The following PTPRF variants were observed in gnomAD, a reference collection of about 807,000 sequenced individuals.
PTPRF encodes protein tyrosine phosphatase receptor type F.
PTPRF carries 59 observed loss-of-function variants against 201.8 expected under a neutral mutation model. The observed-to-expected ratio is 0.29, with a 90% CI of 0.24 to 0.36. PTPRF has a LOEUF of 0.36. Ranked by LOEUF, PTPRF falls within the 10% of genes least tolerant of loss-of-function variation. PTPRF has a pLI of 1.00. For synonymous variants in PTPRF, 1,088 were observed against 1,089.7 expected (o/e 1.00, Z 0.03); for missense variants, 2,132 against 2,690.5 (o/e 0.79, Z 4.59).
At chr1:43,601,169 T>G (rs1333265490) in intron 13 of PTPRF, among the ~76,000 whole-genome samples, 2 of 152,200 alleles carry the variant, frequency 1.3e-5, no homozygotes, top group South Asian at 2.1e-4. Flanking sequence ...ACCGGCACTG[T>G]GGGGGTGCTT....
Position 43,538,234 on chromosome 1 carries a change from T to C in PTPRF, c.-89T>C. ...GGCCCTGGTGCCCGGCCCTTGGTGC[T>C]GAGTATCCAGCAAGAGTGACCGGGG... On this transcript the variant is annotated 5_prime_UTR_variant, in exon 2 of 34. Transcript: ENST00000359947. The C allele has an allele frequency of 2.5e-6, 1 of 398,680 alleles. No individual in the cohort carries two copies. The allele number at this position is 398,680 out of a possible 1,614,324, so 24.7% of individuals were successfully genotyped here.
At chr1:43,595,772 G>A (rs1461312061) in intron 11 of PTPRF, among the ~76,000 whole-genome samples, 1 of 152,114 alleles carries the variant, frequency 6.6e-6, no homozygotes, top group Admixed American at 6.6e-5. Context: ...AAGAGATGGA[G>A]GGAGCTGCTG....
chr1:43,591,102 G>T lies in PTPRF; in HGVS notation c.1080G>T (p.Glu360Asp), dbSNP rs1286468849. 3 of 1,613,922 alleles carry T rather than the reference G, an allele frequency of 1.9e-6. No individual in the cohort carries two copies. Among genetic ancestry groups the T allele is most frequent in the South Asian group, 2.2e-5 (2 of 91,092 alleles). ...YGIQYRAAGT[E>D]GPFQEVDGVA... ...TCCAGTACCGCGCAGCGGGCACGGA[G>T]GGCCCCTTTCAGGAGGTGGATGGTG... Residue 360 changes from glutamate to aspartate, a missense_variant, in exon 9 of 34, where the codon GAG (glutamate) becomes GAT (aspartate). This residue lies in a region of PTPRF where 351 missense variants were observed against 401.7 expected (regional missense o/e 0.87). Transcript: ENST00000359947.
At position 43,618,717 on chromosome 1, in the gene PTPRF, A is replaced by C. The variant is rs1658458528; in HGVS notation, c.4459A>C (p.Thr1487Pro). The C allele has an allele frequency of 1.2e-6, 2 of 1,611,022 alleles. No homozygotes were observed. Among genetic ancestry groups the C allele is most frequent in the African/African-American group, 2.7e-5 (2 of 74,820 alleles). Residue 1487 changes from threonine to proline, a missense_variant, in exon 26 of 34, where the codon ACA (threonine) becomes CCA (proline). By Grantham distance (38) the Thr-to-Pro change is conservative (BLOSUM62 -1). This residue lies in a region of PTPRF where 519 missense variants were observed against 659.5 expected (regional missense o/e 0.79). Transcript: ENST00000359947. ...CCTGTTGGACACAGTGGAGCTGGCC[A>C]CATACACTGTGCGCACCTTCGCACT... ...VTLLDTVELA[T>P]YTVRTFALHK...
chr1:43,577,870 T>C (rs910738289), intron 6 of PTPRF, among the ~76,000 whole-genome samples: 1 of 152,056 alleles, frequency 6.6e-6, no homozygotes, highest in African/African-American at 2.4e-5. Context: ...TGCCCGGGGG[T>C]GTGTCTGTCA....
In PTPRF at chr1:43,619,419, C is replaced by T. The variant is rs377575574; in HGVS notation, c.4778C>T (p.Thr1593Met). The change falls in exon 28 of 34, where the codon ACG becomes ATG. Residue 1593 changes from threonine (T) to methionine (M), a missense_variant. Coordinates refer to ENST00000359947, the MANE Select transcript of PTPRF (RefSeq NM_002840.5). ...TCACAGAGGAACTACATGGTGCAGA[C>T]GGAGGACCAGTACGTGTTCATCCAT... is the stretch of plus-strand genomic sequence containing the variant. ...MRSQRNYMVQTEDQYVFIHEA... is the reference protein window; with the variant it reads ...MRSQRNYMVQMEDQYVFIHEA... The T allele has an allele frequency of 5.5e-5, 89 of 1,614,016 alleles. 1 individual carries two copies. Among genetic ancestry groups the T allele is most frequent in the Non-Finnish European group, 6.9e-5 (81 of 1,180,052 alleles).
chr1:43,535,849 A>G (rs1643966882), intron 1 of PTPRF, among the ~76,000 whole-genome samples: 1 of 152,110 alleles, frequency 6.6e-6, no homozygotes. Context: ...GTCGTGGCTC[A>G]CTGCAGCCTC....
chr1:43,548,517 C>T (rs778336762), intron 3 of PTPRF, among the ~76,000 whole-genome samples: 20 of 152,138 alleles, frequency 1.3e-4, no homozygotes, highest in South Asian at 2.1e-4. Flanking sequence ...CCGCAGATTC[C>T]GTTGCTTTCT....
At chr1:43,525,181 C>A (rs1036810170), upstream of PTPRF, 2 of 152,268 alleles carry the variant, frequency 1.3e-5, no homozygotes, top group African/African-American at 4.8e-5. Flanking sequence ...CTGAGGAGAG[C>A]TCTCTAGGAG....
intron 7 of PTPRF, among the ~76,000 whole-genome samples, chr1:43,584,815 C>G (rs1330666688): frequency 1.3e-5 from 2 of 152,240 alleles, no homozygotes; most frequent in East Asian, 3.8e-4. Context: ...CCCTCATCCC[C>G]TCCTTAATGT....
At chr1:43,595,826 G>A (rs924288912) in intron 11 of PTPRF, among the ~76,000 whole-genome samples, 3 of 152,120 alleles carry the variant, frequency 2.0e-5, no homozygotes, top group Non-Finnish European at 2.9e-5. Flanking sequence ...ATGGTCATGC[G>A]CCAAGAGGAG....
At chr1:43,585,824 C>T (rs560640883) in intron 7 of PTPRF, among the ~76,000 whole-genome samples, 2 of 152,318 alleles carry the variant, frequency 1.3e-5, no homozygotes, top group African/African-American at 2.4e-5. Flanking sequence ...CTTCCTTCTG[C>T]TGGGGCTCTT....
intron 7 of PTPRF, among the ~76,000 whole-genome samples, chr1:43,581,441 C>T (rs1647602923): frequency 1.3e-5 from 2 of 152,318 alleles, no homozygotes; most frequent in East Asian, 1.9e-4. Flanking sequence ...CATGTAGACC[C>T]TAATTGAATC....
At chr1:43,535,842 G>A (rs944231456) in intron 1 of PTPRF, among the ~76,000 whole-genome samples, 7 of 152,062 alleles carry the variant, frequency 4.6e-5, no homozygotes, top group Non-Finnish European at 7.4e-5. Context: ...TGGTGCAGTC[G>A]TGGCTCACTG....
At chr1:43,569,212 C>T (rs1049353321) in intron 5 of PTPRF, among the ~76,000 whole-genome samples, 8 of 144,692 alleles carry the variant, frequency 5.5e-5, no homozygotes, top group Non-Finnish European at 1.2e-4. Context: ...GCGCGAGCTC[C>T]CTGCTAGCCC....
intron 6 of PTPRF, among the ~76,000 whole-genome samples, chr1:43,577,181 C>T (rs1029055266): frequency 1.3e-5 from 2 of 152,196 alleles, no homozygotes; most frequent in African/African-American, 4.8e-5. Context: ...AGGTCTCCCT[C>T]ACCCCACCCA....
intron 5 of PTPRF, among the ~76,000 whole-genome samples, chr1:43,561,811 C>G (rs1391250327): frequency 1.3e-5 from 2 of 152,166 alleles, no homozygotes; most frequent in Non-Finnish European, 1.5e-5. Context: ...CTTGAGGCGC[C>G]CAAGTGGATT....
chr1:43,575,334 G>T (rs892812799), intron 6 of PTPRF, among the ~76,000 whole-genome samples: 1 of 152,144 alleles, frequency 6.6e-6, no homozygotes, highest in Non-Finnish European at 1.5e-5. Context: ...TAGCAGGGTT[G>T]AGTGGGCTTT....
chr1:43,527,737 A>G (rs1643179974), upstream of PTPRF, among the ~76,000 whole-genome samples: 1 of 152,164 alleles, frequency 6.6e-6, no homozygotes, highest in Admixed American at 6.5e-5. Flanking sequence ...GGGCAGAGGG[A>G]ACAGGGCTGC....
Sources: gnomAD v4.1 joint callset for allele counts (sites outside exome capture counted in the v4.1 genomes callset) on GRCh38, gnomAD v4.1.1 for gene constraint, gnomAD v4.1.1 regional missense constraint, MANE v1.5 for transcripts, NCBI Gene and HGNC (gene_info 2026-07-23, HGNC 2026-07-21) for gene names.